PDLIM3: variants seen among roughly 807,000 people sequenced by gnomAD.
PDLIM3 encodes the protein PDZ and LIM domain 3.
PDLIM3 carries 36 observed loss-of-function variants against 37.3 expected under a neutral mutation model. That is an observed-to-expected ratio of 0.97 (90% confidence interval 0.74 to 1.28). The LOEUF (loss-of-function observed/expected upper bound fraction) is 1.28. PDLIM3 is among the 50% of genes most tolerant of loss of function. PDLIM3 has a pLI of 0.00. For synonymous variants in PDLIM3, 174 were observed against 182.4 expected (o/e 0.95, Z 0.37); for missense variants, 454 against 485.0 (o/e 0.94, Z 0.60).
chr4:185,506,652 G>A lies in PDLIM3; in HGVS notation c.663C>T (p.Ser221=), dbSNP rs781448134. 3.7e-6 allele frequency: 6 copies of A among 1,603,922 alleles called. No homozygotes were observed. The East Asian group carries it at 6.7e-5, about 18-fold the overall frequency. The change falls in exon 6 of 8, where the codon AGC becomes AGT. Residue 221 remains serine (S), a splice_region_variant and synonymous_variant. Coordinates refer to ENST00000284767, the MANE Select transcript of PDLIM3 (RefSeq NM_014476.6). The part of the protein sequence containing the change: ...STALGETPLM[S]EPTASVPPES... ...CGGGGGGCACCGAGGCTGTGGGCTC[G>A]CTGAAACACAGGCACGGCGGGGAGC...
intron 4 of PDLIM3, 53 bp from the exon 5 acceptor site, chr4:185,508,615 C>G: frequency 1.3e-6 from 2 of 1,595,540 alleles, no homozygotes; most frequent in Admixed American, 3.3e-5. Context: ...CCAGACAGTC[C>G]AGACAGAAGA....
At chr4:185,506,462 G>T in intron 6 of PDLIM3, 60 bp downstream of exon 6, 1 of 1,605,068 alleles carries the variant, frequency 6.2e-7, no homozygotes, top group Non-Finnish European at 8.5e-7. Context: ...TGTCGTCCCC[G>T]TCCCGCCCCC....
intron 5 of PDLIM3, among the ~76,000 whole-genome samples, chr4:185,507,413 TATC>T (rs1451084008): frequency 3.9e-5 from 6 of 152,190 alleles, no homozygotes; most frequent in African/African-American, 1.4e-4. Context: ...TATTATTTTA[TATC>T]ATTTTATTGC....
chr4:185,511,898 C>T (rs1032185690), intron 4 of PDLIM3, among the ~76,000 whole-genome samples: 3 of 151,960 alleles, frequency 2.0e-5, no homozygotes, highest in East Asian at 1.9e-4. Flanking sequence ...TAAACATGTA[C>T]AAGTAGAATG....
Position 185,508,315 on chromosome 4 carries a change from C to T in PDLIM3, c.646G>A (p.Glu216Lys). The T allele has an allele frequency of 6.2e-7, 1 of 1,614,078 alleles. No homozygotes were observed. The highest frequency in any genetic ancestry group is 8.5e-7 in the Non-Finnish European group (1 of 1,179,966). ...LQGQVSTALG[E>K]TPLMSEPTAS... The stretch of plus-strand genomic sequence containing the variant: ...TCATATTACCTCATCAAAGGTGTTT[C>T]CCCTAGGGCTGTTGAAACCTGACCC... Residue 216 changes from glutamate (E) to lysine (K), a missense_variant, in exon 5 of 8, where the codon GAA becomes AAA. Physicochemically the swap from Glu to Lys is moderately conservative, Grantham distance 56. Transcript: ENST00000284767.
chr4:185,503,224 A>AAAC lies in PDLIM3; in HGVS notation c.906-744_906-742dup, dbSNP rs199557493. Among the ~76,000 whole-genome samples, 898 of 90,854 alleles carry AAAC rather than the reference A, an allele frequency of 9.9e-3. 5 individuals are homozygous for AAAC. The highest frequency in any genetic ancestry group is 0.032 in the Middle Eastern group (6 of 188). 59.6% of individuals were successfully genotyped at this position (90,854 alleles called of 152,430 possible). A position where few individuals can be genotyped will look rare whatever the true frequency, so the allele number is the denominator to read the frequency against. ...GGGCGACAGAGCGAGACTGTCTCAA[A>AAAC]AACAACAACAACAATAACAACAAAA... is the stretch of plus-strand genomic sequence containing the variant. On this transcript the variant is annotated intron_variant, in intron 7 of 7. Coordinates refer to ENST00000284767, the MANE Select transcript of PDLIM3 (RefSeq NM_014476.6).
intron 2 of PDLIM3, 43 bp downstream of exon 2, chr4:185,524,977 C>T (rs764985594): frequency 3.7e-6 from 6 of 1,604,188 alleles, no homozygotes; most frequent in African/African-American, 1.3e-5. Context: ...TCAGGTTCTC[C>T]TGCAAAACAG....
At chr4:185,527,940 G>A (rs1009610747) in intron 1 of PDLIM3, among the ~76,000 whole-genome samples, 1 of 152,084 alleles carries the variant, frequency 6.6e-6, no homozygotes, top group Non-Finnish European at 1.5e-5. Context: ...TGTAGTCCCA[G>A]CTGCTCAGGA....
At chr4:185,528,764 T>G (rs2095738690) in intron 1 of PDLIM3, among the ~76,000 whole-genome samples, 1 of 152,086 alleles carries the variant, frequency 6.6e-6, no homozygotes, top group South Asian at 2.1e-4. Flanking sequence ...AAAAAGGAAA[T>G]AGAGAGAGGA....
chr4:185,513,746 C>A, intron 4 of PDLIM3: 3 of 1,024,166 alleles, frequency 2.9e-6, no homozygotes, highest in South Asian at 3.9e-5. Flanking sequence ...CAATACAGGG[C>A]ATTATTTTCT....
chr4:185,530,796 T>C (rs1023624685), intron 1 of PDLIM3, among the ~76,000 whole-genome samples: 2 of 152,188 alleles, frequency 1.3e-5, no homozygotes, highest in African/African-American at 4.8e-5. Flanking sequence ...TTGTCTATGC[T>C]GCACTCTTCA....
chr4:185,504,639 G>T lies in PDLIM3; in HGVS notation c.794-53C>A. On this transcript the variant is annotated intron_variant, in intron 6 of 7. Transcript: ENST00000284767. This position sits in a 1 kb window ranked among gnomAD's most constrained non-coding sequence, Gnocchi z 4.7. The stretch of plus-strand genomic sequence containing the variant: ...GCTAGGGAACAGCTGGCCGCAGCCT[G>T]TGCTTGGCTTCTATTTTAAAGTGTG... 1 of 1,403,596 alleles carries T rather than the reference G, an allele frequency of 7.1e-7. No individual in the cohort carries two copies. Among genetic ancestry groups the T allele is most frequent in the Non-Finnish European group, 1.0e-6 (1 of 999,594 alleles). The allele number at this position is 1,403,596 out of a possible 1,614,324, so 86.9% of individuals were successfully genotyped here.
rs1168328597 is a variant in PDLIM3, at chr4:185,508,611, A to G, written c.399-49T>C. The G allele has an allele frequency of 3.7e-6, 6 of 1,601,508 alleles. No homozygotes were observed. In the African/African-American group the frequency reaches 6.7e-5, roughly 18 times the overall value. ...ACAGAGATGGCACCGGGAGCCAGAC[A>G]GTCCAGACAGAAGAACACAGAGAAC... is the stretch of plus-strand genomic sequence containing the variant. On this transcript the variant is annotated intron_variant, in intron 4 of 7. Transcript: ENST00000284767.
intron 5 of PDLIM3, 69 bp from the exon 6 acceptor site, chr4:185,506,721 A>C: frequency 6.8e-7 from 1 of 1,468,630 alleles, no homozygotes; most frequent in Non-Finnish European, 9.4e-7. Flanking sequence ...GAGGCCAGAG[A>C]CATCAATACT....
At position 185,514,470 on chromosome 4, in the gene PDLIM3, G is replaced by C. The variant is rs1191830096; in HGVS notation, c.331-133C>G. ...TGTCATAACTAAGAAAGGCGATGAC[G>C]GGACCAGGACGATGTCTTCTTTCCA... On this transcript the variant is annotated intron_variant, in intron 3 of 7. Transcript: ENST00000284767. This position sits in a 1 kb window ranked among gnomAD's most constrained non-coding sequence, Gnocchi z 4.0. 13 of 1,549,046 alleles carry C rather than the reference G, an allele frequency of 8.4e-6. No individual in the cohort carries two copies. In the East Asian group the frequency reaches 1.6e-4, roughly 19 times the overall value.
At chr4:185,503,223 A>T (rs542621702) in intron 7 of PDLIM3, among the ~76,000 whole-genome samples, 9 of 100,334 alleles carry the variant, frequency 9.0e-5, no homozygotes, top group Admixed American at 6.8e-4. Flanking sequence ...GACTGTCTCA[A>T]AAACAACAAC....
intron 1 of PDLIM3, among the ~76,000 whole-genome samples, chr4:185,531,121 A>T (rs1459789602): frequency 6.6e-6 from 1 of 152,140 alleles, no homozygotes; most frequent in Non-Finnish European, 1.5e-5. Context: ...TCCATATTGA[A>T]ATCTTGTCAA....
intron 3 of PDLIM3, chr4:185,515,188 A>C (rs1274277404): frequency 1.0e-5 from 2 of 196,776 alleles, no homozygotes; most frequent in African/African-American, 4.6e-5. Context: ...TAGCTTTAAG[A>C]AATTCTAATG....
chr4:185,524,698 GTGATA>G (rs1213221883), intron 2 of PDLIM3, among the ~76,000 whole-genome samples: 1 of 152,156 alleles, frequency 6.6e-6, no homozygotes, highest in Non-Finnish European at 1.5e-5. Context: ...ACTGAGAACA[GTGATA>G]TAACTAGTTG....
Sources: gnomAD v4.1 joint callset for allele counts (sites outside exome capture counted in the v4.1 genomes callset) on GRCh38, gnomAD v4.1.1 for gene constraint, Gnocchi (gnomAD v3.1) non-coding constraint, MANE v1.5 for transcripts, NCBI Gene and HGNC (gene_info 2026-07-23, HGNC 2026-07-21) for gene names.